SLC25A21: variants seen among roughly 807,000 people sequenced by gnomAD.
The protein encoded by SLC25A21 is solute carrier family 25 member 21.
In SLC25A21, 47 loss-of-function variants were observed where a neutral mutation model predicts 43.8. The observed-to-expected ratio is 1.07, with a 90% CI of 0.85 to 1.37. The LOEUF is 1.37. Ranked by LOEUF, SLC25A21 falls within the 40% of genes most tolerant of loss-of-function variation. The pLI, the probability that SLC25A21 is intolerant of heterozygous loss-of-function variation, is 0.00. For missense variants in SLC25A21, 352 were observed against 350.2 expected (o/e 1.00, Z -0.04); for synonymous variants, 131 against 121.3 (o/e 1.08, Z -0.52).
chr14:36,680,679 T>C lies in SLC25A21; in HGVS notation c.879A>G (p.Ser293=), dbSNP rs762197864. The change falls in exon 10 of 10, where the codon TCA becomes TCG. Residue 293 remains serine, a synonymous_variant. Transcript: ENST00000331299. The part of the protein sequence containing the change: ...VMLLVYEYTY[S]WLQENW Reference sequence around the variant, plus strand: ...GCAATCACCAGTTCTCTTGAAGCCATGAATAGGTGTATTCATAAACCAGCA... The same window carrying C: ...GCAATCACCAGTTCTCTTGAAGCCACGAATAGGTGTATTCATAAACCAGCA... 6.8e-6 allele frequency: 11 copies of C among 1,613,170 alleles called. No individual in the cohort carries two copies. Among genetic ancestry groups the C allele is most frequent in the African/African-American group, 2.7e-5 (2 of 74,908 alleles).
intron 1 of SLC25A21, among the ~76,000 whole-genome samples, chr14:36,891,611 C>T (rs1891074474): frequency 6.6e-6 from 1 of 152,130 alleles, no homozygotes; most frequent in East Asian, 1.9e-4. Context: ...GGGAACAATA[C>T]TGTAGCACCA....
intron 1 of SLC25A21, among the ~76,000 whole-genome samples, chr14:37,038,583 AT>A (rs1805634274): frequency 6.6e-6 from 1 of 152,168 alleles, no homozygotes; most frequent in Non-Finnish European, 1.5e-5. Flanking sequence ...CTATTATGAA[AT>A]AAAAGTTTCT....
chr14:36,992,311 G>A (rs2138714239), intron 1 of SLC25A21, among the ~76,000 whole-genome samples: 1 of 152,126 alleles, frequency 6.6e-6, no homozygotes, highest in Admixed American at 6.5e-5. Context: ...TGGAGGCTGA[G>A]GTGGGAGGAC....
At position 37,003,604 on chromosome 14, in the gene SLC25A21, C is replaced by T. The variant is rs558815569; in HGVS notation, c.71-128600G>A. On this transcript the variant is annotated intron_variant, in intron 1 of 9. Coordinates refer to ENST00000331299, the MANE Select transcript of SLC25A21 (RefSeq NM_030631.4). Reference sequence around the variant, plus strand: ...ATAATGAATGAATCACAACTGCATGCAAAAGCATGGATTAATTTCATAGAC... The same window carrying T: ...ATAATGAATGAATCACAACTGCATGTAAAAGCATGGATTAATTTCATAGAC... Among the ~76,000 whole-genome samples, 10 of 152,264 alleles carry T rather than the reference C, an allele frequency of 6.6e-5. No individual in the cohort carries two copies. The South Asian group carries it at 1.9e-3, about 28-fold the overall frequency.
chr14:36,899,057 G>A (rs931359687), intron 1 of SLC25A21, among the ~76,000 whole-genome samples: 3 of 152,050 alleles, frequency 2.0e-5, no homozygotes, highest in Non-Finnish European at 4.4e-5. Context: ...ACATCATGTT[G>A]TACACAATAA....
At chr14:36,731,902 C>G (rs540261592) in intron 4 of SLC25A21, among the ~76,000 whole-genome samples, 3 of 152,136 alleles carry the variant, frequency 2.0e-5, no homozygotes, top group Admixed American at 6.5e-5. Context: ...TGGGCTCTGC[C>G]TCAGTTTCCC....
intron 9 of SLC25A21, among the ~76,000 whole-genome samples, chr14:36,682,160 C>T (rs1040141135): frequency 1.4e-5 from 2 of 146,472 alleles, no homozygotes; most frequent in African/African-American, 5.3e-5. Context: ...TTTACTGTCT[C>T]TCTCTCATTC....
intron 6 of SLC25A21, among the ~76,000 whole-genome samples, chr14:36,713,874 CAGGAGGCTGACTA>C (rs1459409927): frequency 2.0e-5 from 3 of 152,054 alleles, no homozygotes; most frequent in East Asian, 1.9e-4. Flanking sequence ...CCCAGTTACT[CAGGAGGCTGACTA>C]AGGAGGCTGA....
intron 2 of SLC25A21, among the ~76,000 whole-genome samples, chr14:36,818,148 T>C (rs1888515748): frequency 6.6e-6 from 1 of 152,206 alleles, no homozygotes; most frequent in African/African-American, 2.4e-5. Context: ...GAGTATCAGA[T>C]GCTAGCACCA....
chr14:37,125,935 T>C (rs534013071), intron 1 of SLC25A21, among the ~76,000 whole-genome samples: 30 of 152,298 alleles, frequency 2.0e-4, no homozygotes, highest in Admixed American at 3.9e-4. Context: ...TAGAAACAAT[T>C]ATGCTTTCCA....
intron 1 of SLC25A21, among the ~76,000 whole-genome samples, chr14:37,032,486 A>C (rs953412500): frequency 6.6e-6 from 1 of 152,086 alleles, no homozygotes; most frequent in Non-Finnish European, 1.5e-5. Flanking sequence ...CAATGAGCGG[A>C]GATTGTGCCA....
chr14:37,079,943 T>C (rs1294680694), intron 1 of SLC25A21, among the ~76,000 whole-genome samples: 1 of 151,956 alleles, frequency 6.6e-6, no homozygotes, highest in Non-Finnish European at 1.5e-5. Flanking sequence ...AAGAGTGCCC[T>C]TATAGAAGAG....
chr14:36,850,647 T>A lies in SLC25A21; in HGVS notation c.119+24309A>T, dbSNP rs147228906. 2.0e-3 allele frequency among the ~76,000 whole-genome samples: 306 copies of A among 152,268 alleles called. 1 individual carries two copies. Among genetic ancestry groups the A allele is most frequent in the Non-Finnish European group, 3.2e-3 (221 of 68,014 alleles). ...AAAGTAGTTGATAGTCCATTACATG[T>A]TATAACATGTTATTTTCTCCATATT... is the stretch of plus-strand genomic sequence containing the variant. On this transcript the variant is annotated intron_variant, in intron 2 of 9. Coordinates refer to ENST00000331299, the MANE Select transcript of SLC25A21 (RefSeq NM_030631.4).
chr14:36,801,837 G>C (rs961839273), intron 3 of SLC25A21, among the ~76,000 whole-genome samples: 2 of 152,274 alleles, frequency 1.3e-5, no homozygotes, highest in African/African-American at 4.8e-5. Context: ...TAGACAGGAA[G>C]TGCTTTAAGG....
At chr14:36,842,652 G>C (rs1381821275) in intron 2 of SLC25A21, among the ~76,000 whole-genome samples, 1 of 152,166 alleles carries the variant, frequency 6.6e-6, no homozygotes, top group African/African-American at 2.4e-5. Flanking sequence ...AAGGAGACTT[G>C]AATGTAAGGT....
At chr14:36,680,862 A>C in intron 9 of SLC25A21, 143 bp from the exon 10 acceptor site, 1 of 527,442 alleles carries the variant, frequency 1.9e-6, no homozygotes, top group Non-Finnish European at 3.2e-6. Context: ...CTTCAATACC[A>C]AGATATAAAC....
intron 2 of SLC25A21, among the ~76,000 whole-genome samples, chr14:36,824,554 G>A (rs1888753840): frequency 6.6e-6 from 1 of 152,022 alleles, no homozygotes; most frequent in Non-Finnish European, 1.5e-5. Flanking sequence ...GTGTCCTCTA[G>A]TTTCACAGTT....
At chr14:36,808,860 G>C (rs1205764952) in intron 3 of SLC25A21, 1 of 151,976 alleles carries the variant, frequency 6.6e-6, no homozygotes, top group Non-Finnish European at 1.5e-5. Context: ...TCCTATTTTT[G>C]CCTTATTTCA....
At chr14:36,711,580 GA>G in intron 6 of SLC25A21, 98 bp from the exon 7 acceptor site, 1 of 1,346,246 alleles carries the variant, frequency 7.4e-7, no homozygotes, top group Admixed American at 2.7e-5. Context: ...AATTATTAGG[GA>G]CTTTTTTCCC....
Sources: allele counts gnomAD v4.1 joint callset (sites outside exome capture counted in the v4.1 genomes callset), GRCh38; gene constraint gnomAD v4.1.1; transcripts MANE v1.5; gene names NCBI Gene and HGNC (gene_info 2026-07-23, HGNC 2026-07-21).